The following ALK variants were observed in gnomAD, a reference collection of about 807,000 sequenced individuals.
ALK encodes the protein ALK receptor tyrosine kinase.
A neutral mutation model predicts 163.1 loss-of-function variants in ALK; 74 were observed. That is an observed-to-expected ratio of 0.45 (90% CI 0.38 to 0.55). The LOEUF is 0.55. Ranked by LOEUF, ALK falls within the 20% of genes least tolerant of loss-of-function variation. The pLI is 0.00. For synonymous variants in ALK, 960 were observed against 843.2 expected (o/e 1.14, Z -2.40); for missense variants, 2,063 against 2,105.3 (o/e 0.98, Z 0.39).
chr2:29,205,645 C>G (rs1159061756), intron 26 of ALK, among the ~76,000 whole-genome samples: 1 of 152,168 alleles, frequency 6.6e-6, no homozygotes, highest in Non-Finnish European at 1.5e-5. Context: ...CATCTCCAGT[C>G]TCAGCCTCTG....
chr2:29,827,521 A>T lies in ALK; in HGVS notation c.667+92472T>A, dbSNP rs546610217. 6.4e-4 allele frequency among the ~76,000 whole-genome samples: 97 copies of T among 152,286 alleles called. 1 individual carries two copies. Among genetic ancestry groups the T allele is most frequent in the African/African-American group, 2.2e-3 (92 of 41,564 alleles). ...TCTGATTAGTATTTATCCTACTTAG[A>T]CCAATCTGTTTAGTGAGCTTTGTTG... On this transcript the variant is annotated intron_variant, in intron 1 of 28. Transcript: ENST00000389048.
chr2:29,594,477 G>A (rs1212235453), intron 3 of ALK, among the ~76,000 whole-genome samples: 4 of 144,418 alleles, frequency 2.8e-5, no homozygotes, highest in Non-Finnish European at 4.5e-5. Flanking sequence ...CACCCAGGCT[G>A]GAGTGTAGTG....
In ALK at chr2:29,802,921, T is replaced by C. The variant is rs766325171; in HGVS notation, c.668-85224A>G. On this transcript the variant is annotated intron_variant, in intron 1 of 28. Coordinates refer to ENST00000389048, the MANE Select transcript of ALK (RefSeq NM_004304.5). ...CCCCTCAACACTGACCCCCAAACCA[T>C]GCATTTTGGCTTAGGTACAGTTCTC... 7.2e-5 allele frequency among the ~76,000 whole-genome samples: 11 copies of C among 152,108 alleles called. No homozygotes were observed. The East Asian group carries it at 2.1e-3, about 29-fold the overall frequency.
At chr2:29,306,100 T>C (rs1038482546) in intron 8 of ALK, among the ~76,000 whole-genome samples, 2 of 152,080 alleles carry the variant, frequency 1.3e-5, no homozygotes, top group African/African-American at 4.8e-5. Flanking sequence ...GGCCTGGGGG[T>C]TGGGGACCCC....
At chr2:29,367,758 T>C (rs1182991308) in intron 5 of ALK, among the ~76,000 whole-genome samples, 2 of 152,228 alleles carry the variant, frequency 1.3e-5, no homozygotes, top group Non-Finnish European at 1.5e-5. Flanking sequence ...ATTATTGTCA[T>C]TGCTGTTATT....
At chr2:29,673,883 A>C (rs1417307849) in intron 3 of ALK, among the ~76,000 whole-genome samples, 1 of 151,196 alleles carries the variant, frequency 6.6e-6, no homozygotes, top group Non-Finnish European at 1.5e-5. Flanking sequence ...CTCCTTGAAG[A>C]GTTCCTTCAC....
intron 1 of ALK, among the ~76,000 whole-genome samples, chr2:29,825,463 G>C (rs930573082): frequency 6.6e-5 from 10 of 152,160 alleles, no homozygotes; most frequent in Admixed American, 5.9e-4. Context: ...TGTATGTAAA[G>C]AGCCAGAGGA....
chr2:29,689,698 G>A (rs748874267), intron 3 of ALK, among the ~76,000 whole-genome samples: 3 of 152,190 alleles, frequency 2.0e-5, no homozygotes, highest in Non-Finnish European at 2.9e-5. Flanking sequence ...CTGTGTACCT[G>A]TGAAGATGAA....
At chr2:29,700,038 C>T (rs140877103) in intron 2 of ALK, among the ~76,000 whole-genome samples, 362 of 152,312 alleles carry the variant, frequency 2.4e-3, no homozygotes, top group African/African-American at 8.2e-3. Context: ...ATGTACCCTC[C>T]ATGGTGCCAT....
chr2:29,870,162 T>C (rs1666541542), intron 1 of ALK, among the ~76,000 whole-genome samples: 2 of 152,132 alleles, frequency 1.3e-5, no homozygotes, highest in Non-Finnish European at 2.9e-5. Flanking sequence ...TTAGGGTAAA[T>C]TATCCCTGTA....
At chr2:29,910,304 AT>A in intron 1 of ALK, among the ~76,000 whole-genome samples, 1 of 152,290 alleles carries the variant, frequency 6.6e-6, no homozygotes, top group Middle Eastern at 3.4e-3. Context: ...AAAATATGCA[AT>A]AAAAACTATG....
At chr2:29,583,310 A>G (rs1406666157) in intron 3 of ALK, among the ~76,000 whole-genome samples, 2 of 152,074 alleles carry the variant, frequency 1.3e-5, no homozygotes, top group Non-Finnish European at 2.9e-5. Flanking sequence ...TTCAAACCTC[A>G]TAACTGTTTG....
chr2:29,337,350 G>C (rs976587549), intron 5 of ALK, among the ~76,000 whole-genome samples: 2 of 152,166 alleles, frequency 1.3e-5, no homozygotes, highest in Non-Finnish European at 2.9e-5. Flanking sequence ...CCGGGAAGTG[G>C]GAGAGTTAGT....
chr2:29,336,339 C>T (rs907147435), intron 5 of ALK, among the ~76,000 whole-genome samples: 2 of 152,152 alleles, frequency 1.3e-5, no homozygotes, highest in Non-Finnish European at 2.9e-5. Flanking sequence ...AATGACTCTC[C>T]CCTGAAGCCT....
chr2:29,831,922 A>C (rs762118311), intron 1 of ALK, among the ~76,000 whole-genome samples: 4 of 152,224 alleles, frequency 2.6e-5, no homozygotes, highest in African/African-American at 4.8e-5. Flanking sequence ...TAATTCTGAA[A>C]ATGTTAGAAA....
chr2:29,433,622 T>C (rs1476991362), intron 4 of ALK, among the ~76,000 whole-genome samples: 1 of 152,150 alleles, frequency 6.6e-6, no homozygotes, highest in East Asian at 1.9e-4. Flanking sequence ...GACTTTGCCA[T>C]TGCAGCATGA....
At chr2:29,739,905 T>C (rs1326506365) in intron 1 of ALK, among the ~76,000 whole-genome samples, 5 of 152,262 alleles carry the variant, frequency 3.3e-5, no homozygotes, top group South Asian at 4.1e-4. Flanking sequence ...AACTCTATCA[T>C]GTGTGCCAGG....
rs1407273997 is a variant in ALK at position 29,246,629 on chromosome 2, A to G, written c.2204+4476T>C. Among the ~76,000 whole-genome samples the G allele has an allele frequency of 6.6e-6, 1 of 152,036 alleles. No individual in the cohort carries two copies. The highest frequency in any genetic ancestry group is 1.5e-5 in the Non-Finnish European group (1 of 67,992). On this transcript the variant is annotated intron_variant, in intron 12 of 28. Coordinates refer to ENST00000389048, the MANE Select transcript of ALK (RefSeq NM_004304.5). The surrounding 1 kb of genome is among the most constrained non-coding windows in gnomAD (Gnocchi z 4.3). ...TCCTTTGTCCTCGCTTCCTCAGTCC[A>G]TGCCAGAGCGTGGATGTAGTCCCAG...
intron 26 of ALK, among the ~76,000 whole-genome samples, chr2:29,200,896 T>C (rs1398106725): frequency 6.6e-6 from 1 of 150,620 alleles, no homozygotes; most frequent in Admixed American, 6.6e-5. Context: ...CTTCACTTTC[T>C]TTTGGTATTA....
Sources: gnomAD v4.1 joint callset for allele counts (sites outside exome capture counted in the v4.1 genomes callset) on GRCh38, gnomAD v4.1.1 for gene constraint, Gnocchi (gnomAD v3.1) non-coding constraint, MANE v1.5 for transcripts, NCBI Gene and HGNC (gene_info 2026-07-23, HGNC 2026-07-21) for gene names.